SCG3: variants seen among roughly 807,000 people sequenced by gnomAD.
SCG3 encodes the protein secretogranin III.
A neutral mutation model predicts 56.2 loss-of-function variants in SCG3; 38 were observed. That is an observed-to-expected ratio of 0.68 (90% CI 0.52 to 0.89). The LOEUF is 0.89. Among genes scored for constraint, SCG3 ranks in the 40% least tolerant of loss-of-function variants. The pLI is 0.00. For missense variants in SCG3, 524 were observed against 540.7 expected (o/e 0.97, Z 0.31); for synonymous variants, 176 against 184.2 (o/e 0.96, Z 0.36).
At chr15:51,699,974 C>T (rs899892565) in intron 9 of SCG3, among the ~76,000 whole-genome samples, 8 of 152,034 alleles carry the variant, frequency 5.3e-5, no homozygotes, top group African/African-American at 1.7e-4. Context: ...GAGGGTGGAA[C>T]AAAAAGAGAA....
At position 51,720,167 on chromosome 15, in the gene SCG3, T is replaced by C. The variant is rs2055487249; in HGVS notation, c.*641T>C. On this transcript the variant is annotated 3_prime_UTR_variant, in exon 12 of 12. Coordinates refer to ENST00000220478, the MANE Select transcript of SCG3 (RefSeq NM_013243.4). ...CTTCCTATTAGTGACTTTTCAGACA[T>C]TGAGTTTACTTATAAAGAGAGATAT... 1 of 152,260 alleles carries C rather than the reference T, an allele frequency of 6.6e-6. No individual in the cohort carries two copies. The highest frequency in any genetic ancestry group is 1.5e-5 in the Non-Finnish European group (1 of 68,068). The allele number at this position is 152,260 out of a possible 1,614,324, so 9.4% of individuals were successfully genotyped here.
intron 10 of SCG3, among the ~76,000 whole-genome samples, chr15:51,703,424 T>C (rs1228590794): frequency 1.3e-5 from 2 of 152,230 alleles, no homozygotes; most frequent in Non-Finnish European, 2.9e-5. Flanking sequence ...TTGCTAACAC[T>C]TTTTCCATTT....
Position 51,695,870 on chromosome 15 carries a change from T to C in SCG3, c.869-5T>C. 1 of 1,509,292 alleles carries C rather than the reference T, an allele frequency of 6.6e-7. No individual in the cohort carries two copies. Among genetic ancestry groups the C allele is most frequent in the Non-Finnish European group, 9.2e-7 (1 of 1,088,618 alleles). 93.5% of individuals were successfully genotyped at this position (1,509,292 alleles called of 1,614,324 possible). A position where few individuals can be genotyped will look rare whatever the true frequency, so the allele number is the denominator to read the frequency against. ...AGTTTTAAGTTATTTTGTTCTTTCA[T>C]ATAGAAAAAGAAGCAAAAGAGAAAG... On this transcript the variant is annotated splice_polypyrimidine_tract_variant and splice_region_variant and intron_variant, in intron 7 of 11. Transcript: ENST00000220478.
In SCG3 at chr15:51,699,363, G is replaced by C. The variant is rs2055325003; in HGVS notation, c.1030G>C (p.Glu344Gln). 6.2e-7 allele frequency: 1 copy of C among 1,606,366 alleles called. No individual in the cohort carries two copies. The highest frequency in any genetic ancestry group is 1.1e-5 in the South Asian group (1 of 88,714). Residue 344 changes from glutamate (E) to glutamine (Q), a missense_variant, in exon 9 of 12, where the codon GAA (glutamate) becomes CAA (glutamine). Coordinates refer to ENST00000220478, the MANE Select transcript of SCG3 (RefSeq NM_013243.4). Reference protein sequence around the residue: ...MIALQTKNKLEKNATDNISKL... With the variant: ...MIALQTKNKLQKNATDNISKL... ...TGCTCTTCAGACCAAAAACAAGCTA[G>C]AAAAAAATGCTACTGACAATATAAG... is the stretch of plus-strand genomic sequence containing the variant.
In SCG3 at chr15:51,711,854, G is replaced by A. The variant is rs568945376; in HGVS notation, c.1208-1479G>A. Among the ~76,000 whole-genome samples, 3 of 152,242 alleles carry A rather than the reference G, an allele frequency of 2.0e-5. No homozygotes were observed. The East Asian group carries it at 5.8e-4, about 29-fold the overall frequency. On this transcript the variant is annotated intron_variant, in intron 10 of 11. Coordinates refer to ENST00000220478, the MANE Select transcript of SCG3 (RefSeq NM_013243.4). ...TACCCCTTTTTGTGTAGTAGTCTCTGTGCTTCTTTGGGGACCAGATGACAC... is the reference window on the plus strand; with the variant it reads ...TACCCCTTTTTGTGTAGTAGTCTCTATGCTTCTTTGGGGACCAGATGACAC...
chr15:51,690,652 C>CA (rs34102168), intron 6 of SCG3, among the ~76,000 whole-genome samples: 33 of 148,632 alleles, frequency 2.2e-4, no homozygotes, highest in South Asian at 1.1e-3. Context: ...CTAGATTTAT[C>CA]AAAAAAAAAA....
At position 51,719,327 on chromosome 15, in the gene SCG3, G is replaced by A. The variant is rs996571140; in HGVS notation, c.1289-81G>A. ...TGGTAATTGTGTTATTGTATAAAAT[G>A]CTTCTCAGTTAATGGTAATCACTGT... On this transcript the variant is annotated intron_variant, in intron 11 of 11. Coordinates refer to ENST00000220478, the MANE Select transcript of SCG3 (RefSeq NM_013243.4). 3.4e-6 allele frequency: 3 copies of A among 889,312 alleles called. No homozygotes were observed. The African/African-American group carries it at 5.0e-5, about 15-fold the overall frequency. 55.1% of individuals were successfully genotyped at this position (889,312 alleles called of 1,614,324 possible). A position where few individuals can be genotyped will look rare whatever the true frequency, so the allele number is the denominator to read the frequency against.
At chr15:51,682,149 C>T (rs772239028) in intron 1 of SCG3, among the ~76,000 whole-genome samples, 113 of 152,016 alleles carry the variant, frequency 7.4e-4, no homozygotes, top group Non-Finnish European at 1.3e-3. Flanking sequence ...ACAGTCTATT[C>T]ATTATATATG....
chr15:51,681,762 T>A lies in SCG3; in HGVS notation c.7T>A (p.Phe3Ile). 1 of 1,612,248 alleles carries A rather than the reference T, an allele frequency of 6.2e-7. No individual in the cohort carries two copies. The highest frequency in any genetic ancestry group is 8.5e-7 in the Non-Finnish European group (1 of 1,179,056). Residue 3 changes from phenylalanine to isoleucine, a missense_variant, in exon 1 of 12, where the codon TTC becomes ATC. Coordinates refer to ENST00000220478, the MANE Select transcript of SCG3 (RefSeq NM_013243.4). Reference protein sequence around the residue: MGFLGTGTWILVL... With the variant: MGILGTGTWILVL... ...CCAAGCCGAGCGTGGAAGAATGGGGTTCCTCGGGACCGGCACTTGGATTCT... is the reference window on the plus strand; with the variant it reads ...CCAAGCCGAGCGTGGAAGAATGGGGATCCTCGGGACCGGCACTTGGATTCT...
At chr15:51,709,701 A>G (rs12440548) in intron 10 of SCG3, among the ~76,000 whole-genome samples, 1 of 22,964 alleles carries the variant, frequency 4.4e-5, no homozygotes, top group African/African-American at 2.4e-4. Flanking sequence ...ATATATATAT[A>G]TTTTTTTTTT....
intron 10 of SCG3, among the ~76,000 whole-genome samples, chr15:51,703,565 A>G (rs2055351871): frequency 6.6e-6 from 1 of 152,324 alleles, no homozygotes; most frequent in East Asian, 1.9e-4. Flanking sequence ...CTTTCTAGCA[A>G]CAACGGGATA....
Position 51,688,407 on chromosome 15 carries a change from G to A in SCG3, c.540+5G>A, listed in dbSNP as rs2055243607. ...AAACTACTTAATCTCGGCCTTGTAAGTCATTTGGTAGGAAATAAACCAAAT... is the reference window on the plus strand; with the variant it reads ...AAACTACTTAATCTCGGCCTTGTAAATCATTTGGTAGGAAATAAACCAAAT... On this transcript the variant is annotated splice_donor_5th_base_variant and intron_variant, in intron 5 of 11. Transcript: ENST00000220478. 2.5e-6 allele frequency: 4 copies of A among 1,612,190 alleles called. No homozygotes were observed. The highest frequency in any genetic ancestry group is 1.7e-5 in the Admixed American group (1 of 59,870).
chr15:51,713,165 A>G, intron 10 of SCG3, 168 bp from the exon 11 acceptor site: 1 of 457,558 alleles, frequency 2.2e-6, no homozygotes, highest in Non-Finnish European at 3.9e-6. Flanking sequence ...CCCTCAACAC[A>G]CAAACACACA....
At chr15:51,695,077 C>T (rs1001141299) in intron 7 of SCG3, among the ~76,000 whole-genome samples, 1 of 151,070 alleles carries the variant, frequency 6.6e-6, no homozygotes, top group Non-Finnish European at 1.5e-5. Context: ...TGCTAGTAAT[C>T]GTTACTTAAA....
chr15:51,697,298 C>G (rs893703632), intron 8 of SCG3, among the ~76,000 whole-genome samples: 1 of 151,990 alleles, frequency 6.6e-6, no homozygotes, highest in Non-Finnish European at 1.5e-5. Context: ...ATATCAACAC[C>G]CTGTGAGTCA....
chr15:51,682,342 G>C (rs1254202464), intron 1 of SCG3, among the ~76,000 whole-genome samples, 175 bp from the exon 2 acceptor site: 3 of 150,910 alleles, frequency 2.0e-5, no homozygotes, highest in Non-Finnish European at 4.4e-5. Flanking sequence ...AGGCAATATT[G>C]ATAATTACTA....
chr15:51,693,616 C>G (rs1013472081), intron 7 of SCG3: 6 of 152,188 alleles, frequency 3.9e-5, no homozygotes, highest in Non-Finnish European at 7.4e-5. Context: ...ATGGCTTTTT[C>G]TTTCCCTGTT....
intron 11 of SCG3, among the ~76,000 whole-genome samples, chr15:51,716,786 A>G (rs1167262592): frequency 6.6e-6 from 1 of 152,228 alleles, no homozygotes; most frequent in East Asian, 1.9e-4. Context: ...ATCTACTTAG[A>G]GTCAGCCTCA....
intron 7 of SCG3, chr15:51,693,667 C>T (rs1372967445): frequency 6.6e-6 from 1 of 152,210 alleles, no homozygotes; most frequent in African/African-American, 2.4e-5. Context: ...ATAAAGACTT[C>T]TATAATTGTA....
Sources: gnomAD v4.1 joint callset for allele counts (sites outside exome capture counted in the v4.1 genomes callset) on GRCh38, gnomAD v4.1.1 for gene constraint, MANE v1.5 for transcripts, NCBI Gene and HGNC (gene_info 2026-07-23, HGNC 2026-07-21) for gene names.